Variants in GPC5 observed in about 807,000 individuals in gnomAD.
The protein encoded by GPC5 is glypican 5.
GPC5 carries 47 observed loss-of-function variants against 53.9 expected under a neutral mutation model. That is an observed-to-expected ratio of 0.87 (90% CI 0.69 to 1.11). The LOEUF (loss-of-function observed/expected upper bound fraction) is 1.11, where lower values mean the gene tolerates loss of function less well. GPC5 is among the 50% of genes most tolerant of loss of function. The pLI, the probability that GPC5 is intolerant of heterozygous loss-of-function variation, is 0.00. For missense variants in GPC5, 748 were observed against 713.1 expected (o/e 1.05, Z -0.56); for synonymous variants, 286 against 263.3 (o/e 1.09, Z -0.84).
chr13:92,109,092 G>T (rs1307376378), intron 6 of GPC5, among the ~76,000 whole-genome samples: 1 of 138,212 alleles, frequency 7.2e-6, no homozygotes, highest in African/African-American at 2.8e-5. Context: ...TTTGAGACAG[G>T]GTCTTAGTGT....
At chr13:92,382,451 T>C (rs1300427616) in intron 7 of GPC5, among the ~76,000 whole-genome samples, 2 of 152,132 alleles carry the variant, frequency 1.3e-5, no homozygotes, top group Non-Finnish European at 2.9e-5. Context: ...AATCTAGGAA[T>C]TGGTTACAAT....
intron 7 of GPC5, among the ~76,000 whole-genome samples, chr13:92,187,645 A>G (rs4597182): frequency 0.21 from 32,064 of 152,162 alleles, 4,396 homozygotes; most frequent in East Asian, 0.69. Flanking sequence ...TCAACAATCT[A>G]GAAAGAAGCT....
At chr13:92,719,534 C>A (rs1044268626) in intron 7 of GPC5, among the ~76,000 whole-genome samples, 8 of 152,132 alleles carry the variant, frequency 5.3e-5, no homozygotes, top group Non-Finnish European at 1.0e-4. Flanking sequence ...TACATCATAG[C>A]TTTTCAAAAC....
At chr13:91,552,723 A>G (rs907632098) in intron 2 of GPC5, among the ~76,000 whole-genome samples, 16 of 152,078 alleles carry the variant, frequency 1.1e-4, no homozygotes, top group African/African-American at 3.4e-4. Context: ...TGGGCAGACC[A>G]GGTGTTCCTT....
At chr13:91,535,127 T>C (rs1237129598) in intron 2 of GPC5, among the ~76,000 whole-genome samples, 2 of 152,208 alleles carry the variant, frequency 1.3e-5, no homozygotes, top group African/African-American at 4.8e-5. Context: ...CATTCTCTCA[T>C]ATCCCAGGAA....
chr13:92,216,636 A>G (rs370213419), intron 7 of GPC5, among the ~76,000 whole-genome samples: 4 of 152,248 alleles, frequency 2.6e-5, no homozygotes, highest in Middle Eastern at 3.4e-3. Flanking sequence ...GGCTCTGGGT[A>G]TTTTCATTGT....
chr13:91,522,567 G>A (rs187189791), intron 2 of GPC5, among the ~76,000 whole-genome samples: 1 of 152,102 alleles, frequency 6.6e-6, no homozygotes, highest in East Asian at 1.9e-4. Flanking sequence ...TGTGCACAAC[G>A]TGTGGGTTTG....
chr13:91,692,718 A>G (rs761295871), intron 2 of GPC5, among the ~76,000 whole-genome samples: 1 of 152,174 alleles, frequency 6.6e-6, no homozygotes, highest in South Asian at 2.1e-4. Flanking sequence ...ATCTCAGCTC[A>G]TTGCAACCTC....
chr13:91,543,305 T>C (rs58897772), intron 2 of GPC5, among the ~76,000 whole-genome samples: 11,268 of 152,264 alleles, frequency 0.074, 443 homozygotes, highest in Non-Finnish European at 0.087. Flanking sequence ...AATTTTTGTA[T>C]ACTTTACCCT....
At chr13:91,471,701 T>C (rs560474531) in intron 2 of GPC5, among the ~76,000 whole-genome samples, 1 of 152,300 alleles carries the variant, frequency 6.6e-6, no homozygotes, top group South Asian at 2.1e-4. Context: ...GTTTTGACTC[T>C]TTATCCTGAC....
chr13:91,745,461 T>C (rs2037028835), intron 4 of GPC5, among the ~76,000 whole-genome samples: 1 of 152,058 alleles, frequency 6.6e-6, no homozygotes, highest in African/African-American at 2.4e-5. Context: ...TCTGAGCTCC[T>C]TTCCATCTCT....
intron 5 of GPC5, among the ~76,000 whole-genome samples, chr13:91,820,911 T>C (rs1312477057): frequency 2.6e-5 from 4 of 151,022 alleles, no homozygotes; most frequent in East Asian, 1.9e-4. Flanking sequence ...TGCAGTGAGC[T>C]GAGATCGTGC....
At chr13:92,558,421 A>G (rs1048339448) in intron 7 of GPC5, among the ~76,000 whole-genome samples, 2 of 152,088 alleles carry the variant, frequency 1.3e-5, no homozygotes, top group African/African-American at 2.4e-5. Context: ...AAAAGTGCAC[A>G]TAATTGCATA....
At chr13:92,009,463 A>G (rs1184815882) in intron 6 of GPC5, among the ~76,000 whole-genome samples, 2 of 152,254 alleles carry the variant, frequency 1.3e-5, no homozygotes, top group South Asian at 2.1e-4. Flanking sequence ...TAACTATTCA[A>G]TGAGAACTCT....
chr13:91,837,271 C>T (rs2038732014), intron 5 of GPC5, among the ~76,000 whole-genome samples: 1 of 151,856 alleles, frequency 6.6e-6, no homozygotes, highest in Non-Finnish European at 1.5e-5. Flanking sequence ...GGACCAAAAA[C>T]TTTTTGATCT....
chr13:91,849,874 A>C (rs1288621317), intron 5 of GPC5, among the ~76,000 whole-genome samples: 1 of 148,202 alleles, frequency 6.7e-6, no homozygotes, highest in Non-Finnish European at 1.5e-5. Flanking sequence ...TATTAGAGCT[A>C]TTATGGGACT....
chr13:92,022,122 C>CCCGAGTA (rs1235480816), intron 6 of GPC5, among the ~76,000 whole-genome samples: 1 of 152,070 alleles, frequency 6.6e-6, no homozygotes, highest in Admixed American at 6.6e-5. Context: ...GCCTCAGCCT[C>CCCGAGTA]CCGAGTAGCT....
chr13:91,755,394 G>T (rs1170850465), intron 4 of GPC5, among the ~76,000 whole-genome samples: 2 of 151,868 alleles, frequency 1.3e-5, no homozygotes, highest in Admixed American at 6.6e-5. Context: ...CCTTCCTTCT[G>T]GTCTAGAGAG....
chr13:92,087,617 C>A (rs1180025091), intron 6 of GPC5, among the ~76,000 whole-genome samples: 1 of 152,158 alleles, frequency 6.6e-6, no homozygotes, highest in Non-Finnish European at 1.5e-5. Flanking sequence ...ATAAACTTAT[C>A]TATAATTGGG....
Sources: allele counts gnomAD v4.1 joint callset (sites outside exome capture counted in the v4.1 genomes callset), GRCh38; gene constraint gnomAD v4.1.1; transcripts MANE v1.5; gene names NCBI Gene and HGNC (gene_info 2026-07-23, HGNC 2026-07-21).